The following ZDHHC24 variants were observed in gnomAD, a reference collection of about 807,000 sequenced individuals.
ZDHHC24 encodes the protein zDHHC palmitoyltransferase 24, also known as probable palmitoyltransferase ZDHHC24.
ZDHHC24 carries 17 observed loss-of-function variants against 23.2 expected under a neutral mutation model. The ratio of observed to expected loss-of-function variants is 0.73; its 90% CI spans 0.50 to 1.10. The LOEUF is 1.10. Ranked by LOEUF, ZDHHC24 falls within the 50% of genes least tolerant of loss-of-function variation. ZDHHC24 has a pLI of 0.00. For missense variants in ZDHHC24, 366 were observed against 393.0 expected (o/e 0.93, Z 0.58); for synonymous variants, 186 against 194.5 (o/e 0.96, Z 0.36).
downstream of ZDHHC24, among the ~76,000 whole-genome samples, chr11:66,535,288 C>A (rs1184339232): frequency 6.6e-6 from 1 of 152,098 alleles, no homozygotes; most frequent in Non-Finnish European, 1.5e-5. Flanking sequence ...CAGCTCACTG[C>A]AGCCTCGACC....
rs574584475 is a variant in ZDHHC24 at position 66,524,034 on chromosome 11, C to A, written c.*22-2568G>T. ...GTGGCTCATGCCTGTAATCCCAGCA[C>A]TTTGGGAGGCCAAGGTGGGCAGATC... is the stretch of plus-strand genomic sequence containing the variant. On this transcript the variant is annotated intron_variant, in intron 4 of 4. Coordinates refer to the ZDHHC24 transcript ENST00000526986. 4.8e-5 allele frequency: 55 copies of A among 1,151,454 alleles called. No homozygotes were observed. In the Admixed American group the frequency reaches 9.5e-4, roughly 20 times the overall value. 71.3% of individuals were successfully genotyped at this position (1,151,454 alleles called of 1,614,324 possible).
At chr11:66,541,011 G>C (rs1337602077) in intron 2 of ZDHHC24, among the ~76,000 whole-genome samples, 1 of 152,164 alleles carries the variant, frequency 6.6e-6, no homozygotes, top group African/African-American at 2.4e-5. Flanking sequence ...TGGGTACGGG[G>C]TTTCTTTTTA....
At position 66,536,214 on chromosome 11, in the gene ZDHHC24, C is replaced by A. The variant is rs1305135354; in HGVS notation, c.*3315G>T. ...CTCAAATGCAGTGGGGCTGTTTCCT[C>A]TTAATTTTTATAAATGTGTTCTTGT... On this transcript the variant is annotated 3_prime_UTR_variant, in exon 3 of 3. Transcript: ENST00000310442. 6.6e-6 allele frequency: 1 copy of A among 152,406 alleles called. No homozygotes were observed. The highest frequency in any genetic ancestry group is 2.4e-5 in the African/African-American group (1 of 41,456). 9.4% of individuals were successfully genotyped at this position (152,406 alleles called of 1,614,324 possible).
chr11:66,523,710 C>G (rs1461270036), intron 4 of ZDHHC24: 1 of 1,610,616 alleles, frequency 6.2e-7, no homozygotes, highest in Admixed American at 1.7e-5. Context: ...CAGACGCTGG[C>G]TGTTCCCTGC....
At chr11:66,534,920 C>T (rs1856914385), downstream of ZDHHC24, among the ~76,000 whole-genome samples, 1 of 151,816 alleles carries the variant, frequency 6.6e-6, no homozygotes, top group Non-Finnish European at 1.5e-5. Flanking sequence ...TGGTCTCGAT[C>T]TCCTCACCTC....
rs2134905590 is a variant in ZDHHC24, at chr11:66,545,974, C to G, written c.30G>C (p.Thr10=). 2.8e-6 allele frequency: 4 copies of G among 1,421,426 alleles called. No individual in the cohort carries two copies. The highest frequency in any genetic ancestry group is 1.5e-5 in the South Asian group (1 of 65,354). The allele number at this position is 1,421,426 out of a possible 1,614,324, so 88.1% of individuals were successfully genotyped here. A position where few individuals can be genotyped will look rare whatever the true frequency, so the allele number is the denominator to read the frequency against. The change falls in exon 1 of 3, where the codon ACG becomes ACC. Residue 10 remains threonine (T), a synonymous_variant. Transcript: ENST00000310442. This position sits in a 1 kb window ranked among gnomAD's most constrained non-coding sequence, Gnocchi z 4.5. ...GAGGCAGCTGCGCGGGCGCCCCGTCCGTGCTCCCAGCCGCCCAGGGCTGCC... is the reference window on the plus strand; with the variant it reads ...GAGGCAGCTGCGCGGGCGCCCCGTCGGTGCTCCCAGCCGCCCAGGGCTGCC... MGQPWAAGS[T]DGAPAQLPLV...
intron 2 of ZDHHC24, chr11:66,542,778 T>C (rs1857188787): frequency 6.7e-6 from 1 of 149,650 alleles, no homozygotes; most frequent in Admixed American, 6.7e-5. Flanking sequence ...CTGAGGGGAG[T>C]GAGTGTTGAC....
intron 3 of ZDHHC24, chr11:66,529,024 C>CA: frequency 1.1e-6 from 1 of 878,140 alleles, no homozygotes; most frequent in Non-Finnish European, 1.4e-6. Flanking sequence ...ATACCAGCCA[C>CA]AAAAATTAAT....
At chr11:66,529,089 G>A in intron 3 of ZDHHC24, 1 of 982,808 alleles carries the variant, frequency 1.0e-6, no homozygotes, top group Non-Finnish European at 1.2e-6. Flanking sequence ...CACATAAAAT[G>A]TGAAACTCTT....
intron 4 of ZDHHC24, among the ~76,000 whole-genome samples, chr11:66,525,017 G>A (rs527507144): frequency 2.0e-4 from 31 of 152,184 alleles, no homozygotes; most frequent in African/African-American, 5.5e-4. Flanking sequence ...TGGCTAACAC[G>A]GTAAAACCCC....
rs556300428 is a variant in ZDHHC24 at position 66,538,103 on chromosome 11, A to T, written c.*1426T>A. On this transcript the variant is annotated 3_prime_UTR_variant, in exon 3 of 3. Coordinates refer to ENST00000310442, the MANE Select transcript of ZDHHC24 (RefSeq NM_207340.3). The stretch of plus-strand genomic sequence containing the variant: ...CTGTCTATACTAAAAATACAAAAAA[A>T]TTAGCTGGGCATGGCCAGGCGCAAT... 1.3e-5 allele frequency: 2 copies of T among 151,740 alleles called. No homozygotes were observed. Among genetic ancestry groups the T allele is most frequent in the South Asian group, 4.2e-4 (2 of 4,786 alleles). 9.4% of individuals were successfully genotyped at this position (151,740 alleles called of 1,614,324 possible). A position where few individuals can be genotyped will look rare whatever the true frequency, so the allele number is the denominator to read the frequency against.
At position 66,545,881 on chromosome 11, in the gene ZDHHC24, G is replaced by A. The variant is rs1318740444; in HGVS notation, c.123C>T (p.Pro41=). Residue 41 remains proline, a synonymous_variant, in exon 1 of 3, where the codon CCC becomes CCT. Coordinates refer to ENST00000310442, the MANE Select transcript of ZDHHC24 (RefSeq NM_207340.3). This position sits in a 1 kb window ranked among gnomAD's most constrained non-coding sequence, Gnocchi z 4.5. ...LELAYVLVLG[P]GPPPLGPLAR... is the part of the protein sequence containing the mutation. ...CCAGGGGTCCCAGCGGCGGCGGCCC[G>A]GGACCGAGCACCAGCACGTAAGCCA... 1.3e-6 allele frequency: 2 copies of A among 1,544,922 alleles called. No homozygotes were observed. Among genetic ancestry groups the A allele is most frequent in the Non-Finnish European group, 1.7e-6 (2 of 1,151,854 alleles).
At chr11:66,524,742 T>G (rs1856409468) in intron 4 of ZDHHC24, among the ~76,000 whole-genome samples, 1 of 152,136 alleles carries the variant, frequency 6.6e-6, no homozygotes, top group Non-Finnish European at 1.5e-5. Context: ...CCAGCAACAT[T>G]TTTAAAAATA....
chr11:66,531,136 G>C (rs1314707894), downstream of ZDHHC24: 1 of 1,459,632 alleles, frequency 6.9e-7, no homozygotes, highest in East Asian at 2.5e-5. Flanking sequence ...GCGGGTGGCT[G>C]CCAGGTGGCC....
chr11:66,521,715 GGCC>G (rs998855708), intron 4 of ZDHHC24: 26 of 336,820 alleles, frequency 7.7e-5, no homozygotes, highest in Non-Finnish European at 1.3e-4. Context: ...AGACCAGCCT[GGCC>G]AACATGGTGA....
chr11:66,539,866 G>T, intron 2 of ZDHHC24, 42 bp from the exon 3 acceptor site: 1 of 1,496,228 alleles, frequency 6.7e-7, no homozygotes, highest in Non-Finnish European at 8.9e-7. Context: ...GGGCAGTGGG[G>T]TCCGGCTTTC....
rs376386231 is a variant in ZDHHC24, at chr11:66,521,255, G to T, written c.*233C>A. 7 of 1,604,928 alleles carry T rather than the reference G, an allele frequency of 4.4e-6. No homozygotes were observed. The South Asian group carries it at 6.6e-5, about 15-fold the overall frequency. ...GCTCCAGAGAAATTGGAGTGTTTGC[G>T]CTTCTTGTTTGCAGATGAGCCTTCC... On this transcript the variant is annotated 3_prime_UTR_variant, in exon 5 of 5. Coordinates refer to the ZDHHC24 transcript ENST00000526986.
intron 2 of ZDHHC24, among the ~76,000 whole-genome samples, chr11:66,543,337 A>G (rs1446862010): frequency 6.6e-6 from 1 of 151,812 alleles, no homozygotes; most frequent in East Asian, 1.9e-4. Flanking sequence ...TCCCCTACCA[A>G]TCTGGCCTTA....
rs1357823872 is a variant in ZDHHC24 at position 66,539,130 on chromosome 11, C to T, written c.*399G>A. 10 of 670,946 alleles carry T rather than the reference C, an allele frequency of 1.5e-5. No individual in the cohort carries two copies. Among genetic ancestry groups the T allele is most frequent in the Non-Finnish European group, 1.9e-5 (10 of 538,564 alleles). 41.6% of individuals were successfully genotyped at this position (670,946 alleles called of 1,614,324 possible). On this transcript the variant is annotated 3_prime_UTR_variant, in exon 3 of 3. Transcript: ENST00000310442. ...TGCCCCACCCCCAACTCACCCAGGC[C>T]AGGGGAGGTAGAGCCCCAGCCCCTG...
Sources: allele counts gnomAD v4.1 joint callset (sites outside exome capture counted in the v4.1 genomes callset), GRCh38; gene constraint gnomAD v4.1.1; non-coding constraint Gnocchi (gnomAD v3.1); transcripts MANE v1.5; gene names NCBI Gene and HGNC (gene_info 2026-07-23, HGNC 2026-07-21).